The following RBFOX3 variants were observed in gnomAD, a reference collection of about 807,000 sequenced individuals.
The protein encoded by RBFOX3 is RNA binding protein fox-1 homolog 3.
A neutral mutation model predicts 48.7 loss-of-function variants in RBFOX3; 17 were observed. That is an observed-to-expected ratio of 0.35 (90% CI 0.24 to 0.52). RBFOX3 has a LOEUF of 0.52. Among genes scored for constraint, RBFOX3 ranks in the 20% least tolerant of loss-of-function variants. The pLI, the probability that RBFOX3 is intolerant of heterozygous loss-of-function variation, is 0.94. For synonymous variants in RBFOX3, 212 were observed against 209.5 expected (o/e 1.01, Z -0.10); for missense variants, 382 against 497.5 (o/e 0.77, Z 2.21).
At chr17:79,137,533 T>C (rs572055866) in intron 4 of RBFOX3, among the ~76,000 whole-genome samples, 2 of 152,236 alleles carry the variant, frequency 1.3e-5, no homozygotes, top group South Asian at 4.1e-4. Context: ...CCTACACACA[T>C]TTCCCACCCC....
the RBFOX3 span, among the ~76,000 whole-genome samples, chr17:79,656,753 G>A: frequency 2.1e-3 from 39 of 18,328 alleles, no homozygotes; most frequent in South Asian, 5.9e-3. Context: ...AAAGAAAGAA[G>A]GAAGGAAGGA....
At chr17:79,426,368 C>T (rs150438790) in intron 2 of RBFOX3, among the ~76,000 whole-genome samples, 41 of 152,284 alleles carry the variant, frequency 2.7e-4, no homozygotes, top group African/African-American at 9.6e-4. Context: ...GTAAATAAAA[C>T]CTCAGGGTCA....
At chr17:79,401,844 C>T (rs1327245584) in intron 2 of RBFOX3, among the ~76,000 whole-genome samples, 1 of 152,216 alleles carries the variant, frequency 6.6e-6, no homozygotes, top group Non-Finnish European at 1.5e-5. Flanking sequence ...CCCAGCCTCC[C>T]GAGGGAGCGC....
rs562267806 is a variant in RBFOX3 at position 79,295,816 on chromosome 17, G to A, written c.-74+11908C>T. Among the ~76,000 whole-genome samples the A allele has an allele frequency of 8.5e-5, 13 of 152,290 alleles. No individual in the cohort carries two copies. In the East Asian group the frequency reaches 1.9e-3, roughly 23 times the overall value. ...CTTCCCTGGCTGCAAAGCATGGGGT[G>A]CGTTTGAGGAAGGGTGAGGGCAGCA... On this transcript the variant is annotated intron_variant, in intron 3 of 14. Transcript: ENST00000693108.
chr17:79,346,675 T>A (rs2082976120), intron 2 of RBFOX3, among the ~76,000 whole-genome samples: 1 of 152,212 alleles, frequency 6.6e-6, no homozygotes, highest in African/African-American at 2.4e-5. Context: ...TAGATCAACA[T>A]GGGGAAAATG....
chr17:79,231,622 C>CAA (rs568954466), intron 4 of RBFOX3, among the ~76,000 whole-genome samples: 51 of 152,080 alleles, frequency 3.4e-4, no homozygotes, highest in African/African-American at 1.2e-3. Flanking sequence ...AATCAATGTA[C>CAA]AAAAAATCTA....
intron 1 of RBFOX3, among the ~76,000 whole-genome samples, chr17:79,571,505 G>A (rs1287397263): frequency 6.6e-6 from 1 of 151,274 alleles, no homozygotes; most frequent in Non-Finnish European, 1.5e-5. Flanking sequence ...CTGCTTGGGT[G>A]TCCCCACTCC....
At position 79,443,118 on chromosome 17, in the gene RBFOX3, C is replaced by CAT; in HGVS notation, c.-175+39335_-175+39336insAT. Among the ~76,000 whole-genome samples the CAT allele has an allele frequency of 6.6e-6, 1 of 152,324 alleles. No homozygotes were observed. Among genetic ancestry groups the CAT allele is most frequent in the Middle Eastern group, 3.4e-3 (1 of 294 alleles). ...GTGGCCTCTGCCCCTGTGGACAAAACCGGAGCTCAGCCTCCCATGTCGCCT... is the reference window on the plus strand; with the variant it reads ...GTGGCCTCTGCCCCTGTGGACAAAACATCGGAGCTCAGCCTCCCATGTCGCCT... On this transcript the variant is annotated intron_variant, in intron 2 of 14. Transcript: ENST00000693108. This position sits in a 1 kb window ranked among gnomAD's most constrained non-coding sequence, Gnocchi z 4.4.
chr17:79,352,051 G>C (rs943716397), intron 2 of RBFOX3, among the ~76,000 whole-genome samples: 1 of 152,110 alleles, frequency 6.6e-6, no homozygotes, highest in African/African-American at 2.4e-5. Context: ...ATATCCACCA[G>C]AACCACTAGA....
At chr17:79,451,927 C>T (rs2073591455) in intron 2 of RBFOX3, among the ~76,000 whole-genome samples, 1 of 152,214 alleles carries the variant, frequency 6.6e-6, no homozygotes, top group Non-Finnish European at 1.5e-5. Context: ...AGCATCCCTG[C>T]CACCCAGTAC....
At chr17:79,156,194 G>GA (rs2045757311) in intron 4 of RBFOX3, among the ~76,000 whole-genome samples, 2 of 152,334 alleles carry the variant, frequency 1.3e-5, no homozygotes, top group South Asian at 4.1e-4. Context: ...CTTGGATGCA[G>GA]AGAGATCTGG....
intron 2 of RBFOX3, among the ~76,000 whole-genome samples, chr17:79,458,405 A>G (rs868990972): frequency 1.3e-5 from 2 of 152,292 alleles, no homozygotes; most frequent in Middle Eastern, 3.4e-3. Context: ...GGCAGTACAC[A>G]GGGCTGACTC....
intron 1 of RBFOX3, chr17:79,600,194 T>C (rs1235490064): frequency 6.6e-6 from 1 of 152,268 alleles, no homozygotes; most frequent in African/African-American, 2.4e-5. Context: ...GACACACACA[T>C]GTGCTCACAC....
chr17:79,416,624 T>TG (rs1207569106), intron 2 of RBFOX3, among the ~76,000 whole-genome samples: 39 of 152,252 alleles, frequency 2.6e-4, no homozygotes, highest in African/African-American at 9.4e-4. Flanking sequence ...TAGCCTCCTG[T>TG]GGGGAGAGAA....
intron 4 of RBFOX3, among the ~76,000 whole-genome samples, chr17:79,221,358 G>T (rs2059709092): frequency 6.6e-6 from 1 of 152,270 alleles, no homozygotes; most frequent in African/African-American, 2.4e-5. Flanking sequence ...CAACAATGAG[G>T]CCCAGAGGCC....
chr17:79,595,470 C>T (rs951157466), intron 1 of RBFOX3, among the ~76,000 whole-genome samples: 99 of 152,354 alleles, frequency 6.5e-4, no homozygotes, highest in Admixed American at 1.7e-3. Context: ...GACGGTTCTG[C>T]CGTCTTTCTT....
intron 4 of RBFOX3, among the ~76,000 whole-genome samples, chr17:79,202,668 T>C (rs1567834196): frequency 6.6e-6 from 1 of 152,004 alleles, no homozygotes; most frequent in Non-Finnish European, 1.5e-5. Context: ...CTCCTGCTCT[T>C]TTATTCCAGC....
intron 2 of RBFOX3, among the ~76,000 whole-genome samples, chr17:79,313,784 G>A (rs955859259): frequency 2.6e-5 from 4 of 152,184 alleles, no homozygotes; most frequent in African/African-American, 9.7e-5. Context: ...CTCGGGGTGG[G>A]GGGCCGCTTG....
intron 2 of RBFOX3, among the ~76,000 whole-genome samples, chr17:79,315,949 G>A (rs954127510): frequency 1.6e-4 from 25 of 152,280 alleles, no homozygotes; most frequent in Non-Finnish European, 3.5e-4. Flanking sequence ...TCCGCAAGGG[G>A]TGGGTCCGCC....
Sources: gnomAD v4.1 joint callset for allele counts (sites outside exome capture counted in the v4.1 genomes callset) on GRCh38, gnomAD v4.1.1 for gene constraint, Gnocchi (gnomAD v3.1) non-coding constraint, MANE v1.5 for transcripts, NCBI Gene and HGNC (gene_info 2026-07-23, HGNC 2026-07-21) for gene names.